HDAC9: variants seen among roughly 807,000 people sequenced by gnomAD.
HDAC9 encodes MEF-2 interacting transcription repressor (MITR) protein.
A neutral mutation model predicts 139.4 loss-of-function variants in HDAC9; 41 were observed. The observed-to-expected ratio is 0.29, with a 90% CI of 0.23 to 0.38. HDAC9 has a LOEUF of 0.38. Ranked by LOEUF, HDAC9 falls within the 10% of genes least tolerant of loss-of-function variation. HDAC9 has a pLI of 1.00. For synonymous variants in HDAC9, 517 were observed against 476.2 expected, an observed-to-expected ratio of 1.09 and a Z score of -1.12; for missense variants, 1,147 against 1,297.0, an observed-to-expected ratio of 0.88 and a Z score of 1.78.
chr7:18,139,996 G>A (rs1426033541), intron 1 of HDAC9, among the ~76,000 whole-genome samples: 1 of 152,150 alleles, frequency 6.6e-6, no homozygotes, highest in Non-Finnish European at 1.5e-5. Context: ...CTGTTGTTCT[G>A]TGGCACAACG....
At chr7:18,631,236 G>A (rs1200045483) in intron 7 of HDAC9, among the ~76,000 whole-genome samples, 1 of 152,058 alleles carries the variant, frequency 6.6e-6, no homozygotes, top group African/African-American at 2.4e-5. Flanking sequence ...TTAATTTCGT[G>A]AGATAAGCAC....
At chr7:18,707,436 T>C (rs1446204607) in intron 12 of HDAC9, among the ~76,000 whole-genome samples, 1 of 152,088 alleles carries the variant, frequency 6.6e-6, no homozygotes, top group Non-Finnish European at 1.5e-5. Context: ...AGCAGAAAAA[T>C]TGAAAACAGT....
intron 1 of HDAC9, among the ~76,000 whole-genome samples, chr7:18,477,138 C>G (rs1039748411): frequency 2.0e-5 from 3 of 152,118 alleles, no homozygotes; most frequent in African/African-American, 7.2e-5. Flanking sequence ...TTCTCTGACT[C>G]CAAAGCTAAC....
chr7:18,859,384 C>G (rs1797920058), intron 21 of HDAC9, among the ~76,000 whole-genome samples: 1 of 152,046 alleles, frequency 6.6e-6, no homozygotes, highest in African/African-American at 2.4e-5. Context: ...TTGGGCTGAT[C>G]TCCTGATTGA....
At chr7:18,202,672 T>C (rs1041778737) in intron 2 of HDAC9, among the ~76,000 whole-genome samples, 5 of 152,242 alleles carry the variant, frequency 3.3e-5, no homozygotes, top group African/African-American at 1.2e-4. Flanking sequence ...GAAATCATGA[T>C]TATTAAGATG....
chr7:18,912,922 G>T (rs565551012), intron 22 of HDAC9, among the ~76,000 whole-genome samples: 1 of 152,094 alleles, frequency 6.6e-6, no homozygotes, highest in South Asian at 2.1e-4. Flanking sequence ...TTCTGCTAGA[G>T]CTTAAATAAT....
intron 23 of HDAC9, among the ~76,000 whole-genome samples, chr7:18,953,689 G>A (rs780540909): frequency 6.6e-6 from 1 of 151,988 alleles, no homozygotes; most frequent in Admixed American, 6.6e-5. Flanking sequence ...GCTTTCTATC[G>A]TGAAGTGTTC....
At chr7:18,682,616 A>AG (rs1781966663) in intron 12 of HDAC9, among the ~76,000 whole-genome samples, 1 of 152,062 alleles carries the variant, frequency 6.6e-6, no homozygotes, top group Non-Finnish European at 1.5e-5. Flanking sequence ...TTTTTTATAA[A>AG]GGTCTTTTTT....
chr7:18,611,388 A>G (rs1837097187), intron 6 of HDAC9, among the ~76,000 whole-genome samples: 1 of 152,192 alleles, frequency 6.6e-6, no homozygotes, highest in African/African-American at 2.4e-5. Context: ...ATATAGTAGA[A>G]TAGATAACTT....
rs539478094 is a variant in HDAC9 at position 18,484,699 on chromosome 7, A to C, written c.-41-11563A>C. ...ATAATTATTCCTAATTGAAATAATG[A>C]AAAAGTATTAACCAGGCATGGTGAT... On this transcript the variant is annotated intron_variant, in intron 1 of 3. Coordinates refer to the HDAC9 transcript ENST00000413509. 4.6e-5 allele frequency among the ~76,000 whole-genome samples: 7 copies of C among 152,226 alleles called. No homozygotes were observed. In the East Asian group the frequency reaches 5.8e-4, roughly 13 times the overall value.
At chr7:18,622,370 C>CTGGA (rs1260101542) in intron 6 of HDAC9, among the ~76,000 whole-genome samples, 1 of 152,180 alleles carries the variant, frequency 6.6e-6, no homozygotes, top group Non-Finnish European at 1.5e-5. Context: ...GTCACCCAGG[C>CTGGA]TGGAGTGCAA....
intron 2 of HDAC9, among the ~76,000 whole-genome samples, chr7:18,575,235 C>G (rs1825644873): frequency 6.6e-6 from 1 of 152,174 alleles, no homozygotes; most frequent in African/African-American, 2.4e-5. Context: ...AAAGATTCAA[C>G]TGTTGGTTAT....
intron 1 of HDAC9, among the ~76,000 whole-genome samples, chr7:18,117,982 C>G (rs1784117077): frequency 6.6e-6 from 1 of 152,132 alleles, no homozygotes; most frequent in African/African-American, 2.4e-5. Flanking sequence ...GGCTCTGTTT[C>G]CTCCCCCTTC....
At chr7:18,918,165 A>G (rs868745699) in intron 22 of HDAC9, among the ~76,000 whole-genome samples, 1 of 152,062 alleles carries the variant, frequency 6.6e-6, no homozygotes, top group Admixed American at 6.6e-5. Context: ...GAACAGGAAG[A>G]AAAGGAGATT....
chr7:18,499,239 A>G (rs368169020), intron 2 of HDAC9, among the ~76,000 whole-genome samples: 20 of 152,110 alleles, frequency 1.3e-4, no homozygotes, highest in Admixed American at 2.6e-4. Context: ...TAGCAATTGC[A>G]TTAGAGTTCC....
intron 1 of HDAC9, among the ~76,000 whole-genome samples, chr7:18,444,976 C>A (rs550226300): frequency 2.6e-5 from 4 of 152,188 alleles, no homozygotes; most frequent in African/African-American, 9.6e-5. Flanking sequence ...ATCTAAGACC[C>A]AGGGCTGGAA....
intron 25 of HDAC9, among the ~76,000 whole-genome samples, chr7:18,982,547 C>T (rs73307090): frequency 0.19 from 28,669 of 151,960 alleles, 2,934 homozygotes; most frequent in Middle Eastern, 0.28. Context: ...AAGATTTTTA[C>T]CAATGCCACC....
intron 1 of HDAC9, among the ~76,000 whole-genome samples, chr7:18,483,950 A>G (rs1795777650): frequency 7.1e-6 from 1 of 140,028 alleles, no homozygotes; most frequent in Non-Finnish European, 1.6e-5. Context: ...ATATTCTACT[A>G]TGTAATGATC....
chr7:18,884,524 T>C (rs1186501112), intron 22 of HDAC9, among the ~76,000 whole-genome samples: 2 of 152,180 alleles, frequency 1.3e-5, no homozygotes, highest in East Asian at 1.9e-4. Context: ...CCTCGTCTTA[T>C]ACCATGTAAA....
Sources: allele counts gnomAD v4.1 joint callset (sites outside exome capture counted in the v4.1 genomes callset), GRCh38; gene constraint gnomAD v4.1.1; transcripts MANE v1.5; gene names NCBI Gene and HGNC (gene_info 2026-07-23, HGNC 2026-07-21).